FBXO42: variants seen among roughly 807,000 people sequenced by gnomAD.
FBXO42 encodes F-box protein 42.
In FBXO42, 12 loss-of-function variants were observed where a neutral mutation model predicts 71.7. The observed-to-expected ratio is 0.17, with a 90% confidence interval of 0.11 to 0.27. FBXO42 has a LOEUF of 0.27. FBXO42 is among the 10% of genes least tolerant of loss of function. FBXO42 has a pLI of 1.00. For synonymous variants in FBXO42, 325 were observed against 327.5 expected, an observed-to-expected ratio of 0.99 and a Z score of 0.08; for missense variants, 707 against 911.9, an observed-to-expected ratio of 0.78 and a Z score of 2.89.
intron 4 of FBXO42, 29 bp from the exon 5 acceptor site, chr1:16,256,788 G>A (rs768076976): frequency 6.2e-7 from 1 of 1,611,630 alleles, no homozygotes; most frequent in Non-Finnish European, 8.5e-7. Context: ...ACCATGGTTA[G>A]CATTCAGGAT....
At chr1:16,344,059 G>A (rs935153402) in intron 1 of FBXO42, among the ~76,000 whole-genome samples, 10 of 151,046 alleles carry the variant, frequency 6.6e-5, no homozygotes, top group Admixed American at 4.6e-4. Context: ...GTGCAATGGC[G>A]CAATCTTGGC....
intron 1 of FBXO42, among the ~76,000 whole-genome samples, chr1:16,332,591 A>G (rs2082510443): frequency 6.8e-6 from 1 of 148,144 alleles, no homozygotes; most frequent in Non-Finnish European, 1.5e-5. Context: ...TCAGGGCTGG[A>G]GTGCAGTGGC....
At chr1:16,305,286 G>A (rs1308936560) in intron 3 of FBXO42, among the ~76,000 whole-genome samples, 2 of 152,124 alleles carry the variant, frequency 1.3e-5, no homozygotes, top group African/African-American at 4.8e-5. Context: ...TACTCGGGAG[G>A]CTGAGGCAGA....
intron 4 of FBXO42, among the ~76,000 whole-genome samples, chr1:16,261,220 T>G (rs1472471861): frequency 2.6e-5 from 4 of 152,116 alleles, no homozygotes; most frequent in Non-Finnish European, 4.4e-5. Flanking sequence ...CCTCTTTTTC[T>G]CTACAAGGCT....
intron 1 of FBXO42, among the ~76,000 whole-genome samples, chr1:16,326,595 G>C (rs1038478047): frequency 6.7e-6 from 1 of 149,460 alleles, no homozygotes; most frequent in African/African-American, 2.5e-5. Flanking sequence ...GAAGTGGGAG[G>C]ATCACTTGAG....
At chr1:16,253,862 G>T in intron 6 of FBXO42, 131 bp from the exon 7 acceptor site, 1 of 739,400 alleles carries the variant, frequency 1.4e-6, no homozygotes, top group Non-Finnish European at 2.2e-6. Context: ...GACTGTGTGG[G>T]CTGGAGCAGG....
At chr1:16,258,135 C>T (rs1429807662) in intron 4 of FBXO42, among the ~76,000 whole-genome samples, 1 of 152,128 alleles carries the variant, frequency 6.6e-6, no homozygotes, top group Non-Finnish European at 1.5e-5. Flanking sequence ...GCTTTGCTTC[C>T]TCTTTCAGTA....
chr1:16,332,963 T>C (rs1411243394), intron 1 of FBXO42, among the ~76,000 whole-genome samples: 2 of 152,214 alleles, frequency 1.3e-5, no homozygotes, highest in African/African-American at 4.8e-5. Context: ...TTCAGTCATC[T>C]GAAGTACTTG....
chr1:16,302,015 C>T (rs1325940679), intron 3 of FBXO42, among the ~76,000 whole-genome samples: 2 of 152,122 alleles, frequency 1.3e-5, no homozygotes, highest in Non-Finnish European at 2.9e-5. Flanking sequence ...AAACTTGCTT[C>T]CCACATCCAA....
intron 4 of FBXO42, among the ~76,000 whole-genome samples, chr1:16,289,811 G>A (rs2082060064): frequency 6.6e-6 from 1 of 152,008 alleles, no homozygotes; most frequent in Non-Finnish European, 1.5e-5. Context: ...GTGCACGTTT[G>A]TATTCGCAGC....
intron 1 of FBXO42, among the ~76,000 whole-genome samples, chr1:16,323,794 C>CAAAA (rs1158421632): frequency 2.5e-4 from 16 of 63,250 alleles, no homozygotes; most frequent in African/African-American, 7.0e-4. Context: ...GACTCTGTCT[C>CAAAA]AAAAAAAAAA....
chr1:16,337,399 C>G (rs984236561), intron 1 of FBXO42, among the ~76,000 whole-genome samples: 1 of 152,044 alleles, frequency 6.6e-6, no homozygotes, highest in Non-Finnish European at 1.5e-5. Context: ...TTAATCTTTA[C>G]GTCAACTCTG....
At chr1:16,256,890 G>T in intron 4 of FBXO42, 131 bp from the exon 5 acceptor site, 1 of 847,784 alleles carries the variant, frequency 1.2e-6, no homozygotes. Flanking sequence ...GTAGAGGAAA[G>T]GTGGAAAGAA....
intron 1 of FBXO42, among the ~76,000 whole-genome samples, chr1:16,331,337 C>G (rs1480335910): frequency 6.6e-6 from 1 of 151,592 alleles, no homozygotes; most frequent in East Asian, 1.9e-4. Context: ...GGCGTGAACC[C>G]GGGGGAGGCA....
chr1:16,272,940 T>C (rs1389683189), intron 4 of FBXO42, among the ~76,000 whole-genome samples: 1 of 152,194 alleles, frequency 6.6e-6, no homozygotes, highest in Non-Finnish European at 1.5e-5. Context: ...TTGTCTCGAT[T>C]CTTTTTGTTT....
chr1:16,350,333 T>C (rs1272967235), intron 1 of FBXO42, among the ~76,000 whole-genome samples: 1 of 151,970 alleles, frequency 6.6e-6, no homozygotes, highest in African/African-American at 2.4e-5. Context: ...TATTAGCAAA[T>C]TGATATGCAA....
rs141913303 is a variant in FBXO42, at chr1:16,312,001, G to A, written c.250+3168C>T. Among the ~76,000 whole-genome samples, 15 of 152,130 alleles carry A rather than the reference G, an allele frequency of 9.9e-5. No homozygotes were observed. The East Asian group carries it at 2.7e-3, about 27-fold the overall frequency. Reference sequence around the variant, plus strand: ...CAGTAAGTGAATGGGTAAACAAACTGTGGTGCATCTAGACATGAAATATTA... The same window carrying A: ...CAGTAAGTGAATGGGTAAACAAACTATGGTGCATCTAGACATGAAATATTA... On this transcript the variant is annotated intron_variant, in intron 2 of 9. Coordinates refer to ENST00000375592, the MANE Select transcript of FBXO42 (RefSeq NM_018994.3).
intron 4 of FBXO42, among the ~76,000 whole-genome samples, chr1:16,281,335 T>C (rs1220278625): frequency 6.6e-6 from 1 of 152,200 alleles, no homozygotes; most frequent in Non-Finnish European, 1.5e-5. Flanking sequence ...TTAGATAATA[T>C]GCATAAAGAA....
chr1:16,276,379 C>CAAAAAAAAAA (rs34711223), intron 4 of FBXO42, among the ~76,000 whole-genome samples: 3 of 97,380 alleles, frequency 3.1e-5, no homozygotes, highest in Admixed American at 1.2e-4. Context: ...CACTCTGTCT[C>CAAAAAAAAAA]AAAAAAAAAA....
Sources: allele counts gnomAD v4.1 joint callset (sites outside exome capture counted in the v4.1 genomes callset), GRCh38; gene constraint gnomAD v4.1.1; transcripts MANE v1.5; gene names NCBI Gene and HGNC (gene_info 2026-07-23, HGNC 2026-07-21).